The following CRAMP1 variants were observed in gnomAD, a reference collection of about 807,000 sequenced individuals.
CRAMP1 encodes protein cramped-like.
Under a neutral mutation model 115.4 loss-of-function variants are expected in CRAMP1, and 50 were observed. That is an observed-to-expected ratio of 0.43 (90% CI 0.35 to 0.55). The LOEUF is 0.55. Among genes scored for constraint, CRAMP1 ranks in the 20% least tolerant of loss-of-function variants. The pLI, the probability that CRAMP1 is intolerant of heterozygous loss-of-function variation, is 0.01. For synonymous variants in CRAMP1, 866 were observed against 745.4 expected (o/e 1.16, Z -2.64); for missense variants, 1,679 against 1,721.7 (o/e 0.98, Z 0.44).
chr16:1,656,145 G>T lies in CRAMP1; in HGVS notation c.1388G>T (p.Cys463Phe). ...GQGTARGQVKCPRSGAEGKGV... is the reference protein window; with the variant it reads ...GQGTARGQVKFPRSGAEGKGV... ...GGCACGGCCCGGGGCCAGGTGAAAT[G>T]CCCGCGGAGCGGAGCTGAGGGCAAG... Residue 463 changes from cysteine to phenylalanine, a missense_variant, in exon 10 of 21, where the codon TGC becomes TTC. By Grantham distance (205) the Cys-to-Phe change is radical. Coordinates refer to ENST00000397412, the MANE Select transcript of CRAMP1 (RefSeq NM_020825.4). The surrounding 1 kb of genome is among the most constrained non-coding windows in gnomAD (Gnocchi z 5.6). The T allele has an allele frequency of 6.2e-7, 1 of 1,607,852 alleles. No homozygotes were observed.
chr16:1,659,204 T>C (rs1305744841), intron 10 of CRAMP1, among the ~76,000 whole-genome samples: 1 of 152,206 alleles, frequency 6.6e-6, no homozygotes, highest in Non-Finnish European at 1.5e-5. Context: ...CTTTTTAATA[T>C]AGCTTTGAGC....
At chr16:1,635,472 G>C (rs996860927) in intron 4 of CRAMP1, among the ~76,000 whole-genome samples, 1 of 152,226 alleles carries the variant, frequency 6.6e-6, no homozygotes, top group East Asian at 1.9e-4. Context: ...CCCTGAGTGT[G>C]TAATAAAACA....
At position 1,632,232 on chromosome 16, in the gene CRAMP1, G is replaced by C. The variant is rs562440588; in HGVS notation, c.561G>C (p.Ala187=). The part of the protein sequence containing the change: ...GLYEHGKDFE[A]IQNNIALKYK... ...TCCAGCATGGGAAAGACTTTGAAGC[G>C]ATTCAGAACAACATTGCGCTGAAGT... The change falls in exon 4 of 21, where the codon GCG becomes GCC. Residue 187 remains alanine (A), a synonymous_variant. Coordinates refer to ENST00000397412, the MANE Select transcript of CRAMP1 (RefSeq NM_020825.4). 1.3e-6 allele frequency: 2 copies of C among 1,565,026 alleles called. No homozygotes were observed. Among genetic ancestry groups the C allele is most frequent in the Middle Eastern group, 1.7e-4 (1 of 6,008 alleles).
At chr16:1,623,319 C>A (rs570995911) in intron 2 of CRAMP1, among the ~76,000 whole-genome samples, 2 of 152,330 alleles carry the variant, frequency 1.3e-5, no homozygotes, top group East Asian at 1.9e-4. Flanking sequence ...TACTGTTGTG[C>A]CTTCTTTTCA....
intron 3 of CRAMP1, among the ~76,000 whole-genome samples, chr16:1,627,636 G>A (rs1225842091): frequency 6.6e-6 from 1 of 152,200 alleles, no homozygotes; most frequent in East Asian, 1.9e-4. Context: ...ACCCCAGGTG[G>A]ACCGGACTGC....
At chr16:1,650,434 T>G (rs2036712997) in intron 6 of CRAMP1, among the ~76,000 whole-genome samples, 1 of 152,242 alleles carries the variant, frequency 6.6e-6, no homozygotes, top group Non-Finnish European at 1.5e-5. Flanking sequence ...TGGAATAAGA[T>G]TTTTTAAAAA....
intron 16 of CRAMP1, 119 bp from the exon 17 acceptor site, chr16:1,667,216 T>C: frequency 1.4e-6 from 1 of 739,398 alleles, no homozygotes; most frequent in Non-Finnish European, 2.4e-6. Context: ...TTACTGTCCC[T>C]CTGCTGTTAG....
intron 2 of CRAMP1, among the ~76,000 whole-genome samples, chr16:1,621,313 C>T (rs1027272592): frequency 5.3e-5 from 8 of 152,326 alleles, no homozygotes; most frequent in East Asian, 1.9e-4. Context: ...TGGGAGGGTG[C>T]GCTGGGGCCA....
chr16:1,620,027 T>C (rs1177587407), intron 2 of CRAMP1, among the ~76,000 whole-genome samples: 2 of 152,022 alleles, frequency 1.3e-5, no homozygotes, highest in Non-Finnish European at 2.9e-5. Context: ...ACGATGGAGC[T>C]GGGTAGGGGA....
At chr16:1,662,450 G>A in intron 11 of CRAMP1, 40 bp from the exon 12 acceptor site, 1 of 1,529,192 alleles carries the variant, frequency 6.5e-7, no homozygotes, top group Non-Finnish European at 9.0e-7. Flanking sequence ...CTGTTGCTAG[G>A]TGAATGCTGT....
chr16:1,644,105 A>T (rs980565180), intron 6 of CRAMP1, among the ~76,000 whole-genome samples: 1 of 152,222 alleles, frequency 6.6e-6, no homozygotes, highest in Non-Finnish European at 1.5e-5. Flanking sequence ...GGCAAATGGC[A>T]GGTGAAGGCA....
intron 11 of CRAMP1, 96 bp downstream of exon 11, chr16:1,660,159 T>A: frequency 8.8e-7 from 1 of 1,131,872 alleles, no homozygotes; most frequent in Non-Finnish European, 1.2e-6. Context: ...CAGGTGTGCC[T>A]GAGGCCGGAC....
intron 17 of CRAMP1, 45 bp downstream of exon 17, chr16:1,667,445 A>G (rs2044163850): frequency 6.6e-7 from 1 of 1,518,068 alleles, no homozygotes; most frequent in African/African-American, 1.4e-5. Context: ...CTGCCCCAGG[A>G]CTCCCTCCAG....
intron 2 of CRAMP1, among the ~76,000 whole-genome samples, chr16:1,619,430 C>T (rs971075358): frequency 2.0e-5 from 3 of 152,148 alleles, no homozygotes; most frequent in African/African-American, 7.2e-5. Context: ...ATCCGCCTGC[C>T]TCGGCCTCCC....
intron 6 of CRAMP1, among the ~76,000 whole-genome samples, chr16:1,643,998 A>G (rs2036653958): frequency 6.6e-6 from 1 of 152,230 alleles, no homozygotes; most frequent in African/African-American, 2.4e-5. Context: ...TCACCTGGCT[A>G]CCAGCTTGTC....
At chr16:1,652,130 G>C (rs2036729802) in intron 6 of CRAMP1, among the ~76,000 whole-genome samples, 1 of 152,236 alleles carries the variant, frequency 6.6e-6, no homozygotes, top group African/African-American at 2.4e-5. Context: ...TGGGAGGACT[G>C]CACAGAGCTG....
chr16:1,658,493 T>A (rs1426162468), intron 10 of CRAMP1, among the ~76,000 whole-genome samples: 1 of 151,928 alleles, frequency 6.6e-6, no homozygotes, highest in Non-Finnish European at 1.5e-5. Context: ...GAATCCCACA[T>A]GGAAAGGCAT....
At position 1,614,811 on chromosome 16, in the gene CRAMP1, G is replaced by A. The variant is rs1258251649; in HGVS notation, c.172G>A (p.Gly58Ser). Residue 58 changes from glycine (G) to serine (S), a missense_variant, in exon 2 of 21, where the codon GGC becomes AGC. Gly to Ser is a moderately conservative substitution (Grantham distance 56). This residue lies in a region of CRAMP1 where 264 missense variants were observed against 229.7 expected (regional missense o/e 1.15). Coordinates refer to ENST00000397412, the MANE Select transcript of CRAMP1 (RefSeq NM_020825.4). The surrounding 1 kb of genome is among the most constrained non-coding windows in gnomAD (Gnocchi z 4.4). The part of the protein sequence containing the change: ...DEKTPRAGAD[G>S]PPAPPGAPQA... Reference sequence around the variant, plus strand: ...GAAGACCCCCCGGGCCGGCGCCGACGGCCCCCCCGCGCCCCCCGGCGCGCC... The same window carrying A: ...GAAGACCCCCCGGGCCGGCGCCGACAGCCCCCCCGCGCCCCCCGGCGCGCC... 1.1e-5 allele frequency: 14 copies of A among 1,278,034 alleles called. No individual in the cohort carries two copies. Among genetic ancestry groups the A allele is most frequent in the African/African-American group, 4.7e-5 (3 of 64,058 alleles). The allele number at this position is 1,278,034 out of a possible 1,614,324, so 79.2% of individuals were successfully genotyped here.
chr16:1,667,835 G>A (rs1274919408), intron 17 of CRAMP1, 127 bp from the exon 18 acceptor site: 1 of 631,982 alleles, frequency 1.6e-6, no homozygotes, highest in African/African-American at 1.8e-5. Flanking sequence ...TTGGAAGGAT[G>A]AGGTGACTGC....
Sources: gnomAD v4.1 joint callset for allele counts (sites outside exome capture counted in the v4.1 genomes callset) on GRCh38, gnomAD v4.1.1 for gene constraint, gnomAD v4.1.1 regional missense constraint, Gnocchi (gnomAD v3.1) non-coding constraint, MANE v1.5 for transcripts, NCBI Gene and HGNC (gene_info 2026-07-23, HGNC 2026-07-21) for gene names.